Variants in TMCO1 observed in about 807,000 individuals in gnomAD.
The protein encoded by TMCO1 is transmembrane and coiled-coil domains 1, also known as calcium load-activated calcium channel.
TMCO1 carries 29 observed loss-of-function variants against 29.3 expected under a neutral mutation model. The observed-to-expected ratio is 0.99, with a 90% CI of 0.74 to 1.35. The LOEUF is 1.35. Among genes scored for constraint, TMCO1 ranks in the 40% most tolerant of loss-of-function variants. The pLI is 0.00. For synonymous variants in TMCO1, 80 were observed against 77.1 expected (o/e 1.04, Z -0.20); for missense variants, 173 against 225.5 (o/e 0.77, Z 1.49).
At chr1:165,751,986 T>G in intron 5 of TMCO1, 116 bp downstream of exon 5, 1 of 840,206 alleles carries the variant, frequency 1.2e-6, no homozygotes, top group Non-Finnish European at 1.9e-6. Flanking sequence ...CTTGCAACTT[T>G]TCTTTAAGTT....
chr1:165,725,372 A>G (rs1185408372), downstream of TMCO1: 7 of 453,310 alleles, frequency 1.5e-5, no homozygotes, highest in Non-Finnish European at 3.1e-5. Flanking sequence ...AGAAAGGCCC[A>G]GTCTGGTCAA....
At position 165,747,932 on chromosome 1, in the gene TMCO1, G is replaced by A. The variant is rs1487956270; in HGVS notation, c.323+4170C>T. Among the ~76,000 whole-genome samples the A allele has an allele frequency of 2.0e-5, 3 of 152,196 alleles. 1 individual carries two copies. Among genetic ancestry groups the A allele is most frequent in the Non-Finnish European group, 4.4e-5 (3 of 68,034 alleles). ...CCAGCACTCTGGGAGGCCGAGGCAG[G>A]CAGATCACCTGAGGTCAGGAATTCA... On this transcript the variant is annotated intron_variant, in intron 5 of 6. Coordinates refer to ENST00000367881, the MANE Select transcript of TMCO1 (RefSeq NM_019026.6).
At chr1:165,746,897 G>A (rs968912608) in intron 5 of TMCO1, among the ~76,000 whole-genome samples, 9 of 152,146 alleles carry the variant, frequency 5.9e-5, no homozygotes, top group African/African-American at 2.2e-4. Context: ...TATCTATCTA[G>A]AAAACTAGAG....
chr1:165,728,466 C>T (rs1311013979), intron 6 of TMCO1, among the ~76,000 whole-genome samples: 2 of 152,022 alleles, frequency 1.3e-5, no homozygotes, highest in Non-Finnish European at 2.9e-5. Context: ...TCATGTTAGC[C>T]AGGATGGTCT....
intron 2 of TMCO1, among the ~76,000 whole-genome samples, chr1:165,762,825 T>C (rs962184560): frequency 1.3e-5 from 2 of 152,218 alleles, no homozygotes; most frequent in Non-Finnish European, 2.9e-5. Flanking sequence ...ACTTAGTAAG[T>C]GCTCTCAAAT....
intron 1 of TMCO1, 29 bp downstream of exon 1, chr1:165,768,653 T>G (rs1282336374): frequency 1.9e-6 from 3 of 1,613,758 alleles, no homozygotes; most frequent in Non-Finnish European, 2.5e-6. Flanking sequence ...CGGGGACTGA[T>G]CAAACGTCTG....
At chr1:165,747,098 T>C (rs1458965791) in intron 5 of TMCO1, among the ~76,000 whole-genome samples, 1 of 151,760 alleles carries the variant, frequency 6.6e-6, no homozygotes, top group Admixed American at 6.6e-5. Flanking sequence ...CCATCTCTAC[T>C]AAAAATACAA....
chr1:165,757,655 G>A (rs1485377362), intron 3 of TMCO1, among the ~76,000 whole-genome samples: 4 of 152,118 alleles, frequency 2.6e-5, no homozygotes, highest in Admixed American at 6.5e-5. Flanking sequence ...GCACCACCAC[G>A]CCTGGTTAAT....
chr1:165,762,889 AT>A (rs569333171), intron 2 of TMCO1, among the ~76,000 whole-genome samples: 95 of 152,336 alleles, frequency 6.2e-4, no homozygotes, highest in South Asian at 3.5e-3. Context: ...AATCTTTTTC[AT>A]TTATTGAAGT....
intron 3 of TMCO1, among the ~76,000 whole-genome samples, chr1:165,756,446 C>T (rs923182544): frequency 3.3e-5 from 5 of 152,088 alleles, no homozygotes; most frequent in African/African-American, 1.2e-4. Context: ...TTTCTCATCA[C>T]GTATATCCTT....
chr1:165,736,729 A>AAC (rs1215684454), intron 6 of TMCO1, among the ~76,000 whole-genome samples: 38 of 140,942 alleles, frequency 2.7e-4, no homozygotes, highest in African/African-American at 8.3e-4. Flanking sequence ...TCAAAAAAAA[A>AAC]AAAAACAAAA....
chr1:165,725,591 G>A (rs941175094), downstream of TMCO1: 1 of 454,022 alleles, frequency 2.2e-6, no homozygotes, highest in Non-Finnish European at 4.4e-6. Flanking sequence ...CTTACATAGG[G>A]AAAATAACCA....
chr1:165,740,770 G>A (rs1315621848), intron 6 of TMCO1, among the ~76,000 whole-genome samples: 1 of 152,194 alleles, frequency 6.6e-6, no homozygotes, highest in East Asian at 1.9e-4. Flanking sequence ...CTTATCACGA[G>A]TGGCTTTGCT....
rs764292839 is a variant in TMCO1 at position 165,768,840 on chromosome 1, C to A, written c.-89G>T. ...GAAGCGAAAACGGCTTCCGTAGACT[C>A]CGCCACCACCGAGTAACAGACCAAC... On this transcript the variant is annotated 5_prime_UTR_variant, in exon 1 of 7. Transcript: ENST00000367881. 6 of 1,588,030 alleles carry A rather than the reference C, an allele frequency of 3.8e-6. No homozygotes were observed. The African/African-American group carries it at 6.7e-5, about 18-fold the overall frequency.
At chr1:165,752,307 T>A (rs1468504534) in intron 4 of TMCO1, 138 bp from the exon 5 acceptor site, 2 of 671,252 alleles carry the variant, frequency 3.0e-6, no homozygotes, top group Non-Finnish European at 5.2e-6. Context: ...CAGGCTGGAG[T>A]ACAGTGGCGC....
intron 1 of TMCO1, 182 bp from the exon 2 acceptor site, chr1:165,768,451 G>T: frequency 1.3e-6 from 2 of 1,523,710 alleles, no homozygotes; most frequent in Non-Finnish European, 1.8e-6. Flanking sequence ...TGATGTGAAG[G>T]TGTCTCCACA....
intron 5 of TMCO1, among the ~76,000 whole-genome samples, chr1:165,748,740 T>C (rs909330956): frequency 1.3e-5 from 2 of 152,216 alleles, no homozygotes; most frequent in African/African-American, 2.4e-5. Flanking sequence ...CTTGGTGTTG[T>C]ACATTCTATG....
rs778373100 is a variant in TMCO1 at position 165,768,718 on chromosome 1, C to T, written c.34G>A (p.Val12Ile). Residue 12 changes from valine to isoleucine, a missense_variant, in exon 1 of 7, where the codon GTT becomes ATT. Val to Ile is a conservative substitution (Grantham distance 29). Transcript: ENST00000367881. Reference sequence around the variant, plus strand: ...AGAGCCGTGCACACAGAGATAAAAACGATGAGGAGAGTGTCCGCGAACATA... The same window carrying T: ...AGAGCCGTGCACACAGAGATAAAAATGATGAGGAGAGTGTCCGCGAACATA... ...STMFADTLLI[V>I]FISVCTALLA... The T allele has an allele frequency of 6.2e-7, 1 of 1,614,166 alleles. No homozygotes were observed. The highest frequency in any genetic ancestry group is 1.7e-5 in the Admixed American group (1 of 60,024).
rs575055172 is a variant in TMCO1 at position 165,761,191 on chromosome 1, G to A, written c.149-1607C>T. On this transcript the variant is annotated intron_variant, in intron 2 of 6. Transcript: ENST00000367881. ...TGTATTTGTGTGTGTGTGTGTGTGT[G>A]TGTTTGTTCTGGAAGACTAAGTAAC... Among the ~76,000 whole-genome samples, 5 of 152,144 alleles carry A rather than the reference G, an allele frequency of 3.3e-5. No individual in the cohort carries two copies. The East Asian group carries it at 9.6e-4, about 29-fold the overall frequency.
Sources: gnomAD v4.1 joint callset for allele counts (sites outside exome capture counted in the v4.1 genomes callset) on GRCh38, gnomAD v4.1.1 for gene constraint, MANE v1.5 for transcripts, NCBI Gene and HGNC (gene_info 2026-07-23, HGNC 2026-07-21) for gene names.